PLS3: variants seen among roughly 807,000 people sequenced by gnomAD.
The protein encoded by PLS3 is plastin-3.
In PLS3, 11 loss-of-function variants were observed where a neutral mutation model predicts 46.5. The ratio of observed to expected loss-of-function variants is 0.24; its 90% CI spans 0.15 to 0.39. The LOEUF (loss-of-function observed/expected upper bound fraction) is 0.39. PLS3 is among the 10% of genes least tolerant of loss of function. The pLI is 1.00. For synonymous variants in PLS3, 167 were observed against 162.2 expected (o/e 1.03, Z -0.22); for missense variants, 308 against 461.8 (o/e 0.67, Z 3.05).
At chrX:115,600,456 G>A (rs148398413) in intron 1 of PLS3, among the ~76,000 whole-genome samples, 1,174 of 111,863 alleles carry the variant, frequency 0.01, 15 homozygotes, top group African/African-American at 0.036. Flanking sequence ...AACCATGCCT[G>A]TGTAACCAAC....
chrX:115,630,718 T>C (rs2074756812), intron 5 of PLS3, among the ~76,000 whole-genome samples: 1 of 97,844 alleles, frequency 1.0e-5, no homozygotes, highest in Admixed American at 1.3e-4. Flanking sequence ...TATATACATA[T>C]ATAAAATATA....
chrX:115,613,101 A>G (rs140154150), intron 2 of PLS3, among the ~76,000 whole-genome samples: 26 of 112,050 alleles, frequency 2.3e-4, no homozygotes, highest in African/African-American at 7.8e-4. Flanking sequence ...ATAAAGAAAA[A>G]TTCATGTAAT....
At chrX:115,572,315 CCT>C (rs1186442160) in intron 1 of PLS3, among the ~76,000 whole-genome samples, 1 of 110,151 alleles carries the variant, frequency 9.1e-6, no homozygotes, top group East Asian at 2.8e-4. Context: ...ATATCAAGAC[CCT>C]GTCTCTATTT....
chrX:115,632,742 AC>A (rs1299830597), intron 5 of PLS3, among the ~76,000 whole-genome samples: 9 of 100,616 alleles, frequency 8.9e-5, no homozygotes, highest in Non-Finnish European at 1.8e-4. Flanking sequence ...ATAAAGTTCC[AC>A]CCCCCACTTT....
At chrX:115,567,709 C>CTTTTTTTTTTTTTTTT (rs782653479) in intron 1 of PLS3, among the ~76,000 whole-genome samples, 4 of 81,944 alleles carry the variant, frequency 4.9e-5, no homozygotes, top group Non-Finnish European at 6.9e-5. Context: ...TTTTCTTCTT[C>CTTTTTTTTTTTTTTTT]TTTTTTTTTT....
intron 1 of PLS3, among the ~76,000 whole-genome samples, chrX:115,561,630 C>T (rs1159753659): frequency 2.7e-5 from 3 of 111,760 alleles, no homozygotes; most frequent in Non-Finnish European, 3.8e-5. Flanking sequence ...GGCTGCGGCC[C>T]CGAAGTGGAA....
chrX:115,642,881 T>A (rs1556641184), intron 9 of PLS3, among the ~76,000 whole-genome samples: 1 of 111,651 alleles, frequency 9.0e-6, no homozygotes, highest in Non-Finnish European at 1.9e-5. Flanking sequence ...TTTAACATAA[T>A]TCTACTGAAA....
intron 1 of PLS3, among the ~76,000 whole-genome samples, chrX:115,564,388 C>CTTCCACAAGTGGTTACACGCACA (rs1556629887): frequency 8.9e-6 from 1 of 112,244 alleles, no homozygotes; most frequent in Non-Finnish European, 1.9e-5. Flanking sequence ...GATTAAGCCT[C>CTTCCACAAGTGGTTACACGCACA]TTCCACAAGT....
Position 115,635,824 on chromosome X carries a change from T to C in PLS3, c.748+778T>C, listed in dbSNP as rs782570359. ...GGCTAACATGGCGGAACCCCGTCTC[T>C]ACAAACAATAGAAAAGTTACCTGGG... On this transcript the variant is annotated intron_variant, in intron 7 of 15. Coordinates refer to ENST00000355899, the MANE Select transcript of PLS3 (RefSeq NM_005032.7). Among the ~76,000 whole-genome samples the C allele has an allele frequency of 1.1e-4, 12 of 106,204 alleles. No homozygotes were observed. In the South Asian group the frequency reaches 4.8e-3, roughly 43 times the overall value. The allele number at this position is 106,204 out of a possible 115,157, so 92.2% of individuals were successfully genotyped here.
intron 5 of PLS3, among the ~76,000 whole-genome samples, chrX:115,630,866 C>T (rs1404240985): frequency 2.2e-5 from 2 of 89,509 alleles, no homozygotes; most frequent in African/African-American, 4.2e-5. Flanking sequence ...GTATATTATA[C>T]ATGTATATAT....
chrX:115,643,336 T>C lies in PLS3; in HGVS notation c.1011T>C (p.Ala337=), dbSNP rs782390682. Residue 337 remains alanine (A), a synonymous_variant, in exon 10 of 16, where the codon GCT becomes GCC. Transcript: ENST00000355899. Reference sequence around the variant, plus strand: ...AGGAAACAGATGATTTGAAGAGAGCTGAGAGTATGCTTCAACAAGCAGATA... The same window carrying C: ...AGGAAACAGATGATTTGAAGAGAGCCGAGAGTATGCTTCAACAAGCAGATA... ...GFNETDDLKR[A]ESMLQQADKL... The C allele has an allele frequency of 1.7e-6, 2 of 1,199,767 alleles. No individual in the cohort carries two copies. Among genetic ancestry groups the C allele is most frequent in the East Asian group, 3.0e-5 (1 of 33,745 alleles).
chrX:115,647,880 C>A lies in PLS3; in HGVS notation c.1636-13C>A. The A allele has an allele frequency of 8.3e-7, 1 of 1,200,397 alleles. No homozygotes were observed. The highest frequency in any genetic ancestry group is 1.1e-6 in the Non-Finnish European group (1 of 887,779). ...GTATCAAAATTCTCAGATTTGTTCT[C>A]CTTTCACACTAGGACAAGACGATCA... On this transcript the variant is annotated splice_polypyrimidine_tract_variant and intron_variant, in intron 14 of 15. Coordinates refer to ENST00000355899, the MANE Select transcript of PLS3 (RefSeq NM_005032.7).
chrX:115,614,583 T>C lies in PLS3; in HGVS notation c.73+4260T>C, dbSNP rs1380770533. The C allele has an allele frequency of 6.8e-6, 5 of 738,188 alleles. No homozygotes were observed. The African/African-American group carries it at 1.2e-4, about 17-fold the overall frequency. The allele number at this position is 738,188 out of a possible 1,213,427, so 60.8% of individuals were successfully genotyped here. On this transcript the variant is annotated intron_variant, in intron 2 of 15. Transcript: ENST00000355899. ...CCATGTTTAGCTAAGCATCTGGAGATGTTTAGCAGCTGCCTTTTCTAAGGA... is the reference window on the plus strand; with the variant it reads ...CCATGTTTAGCTAAGCATCTGGAGACGTTTAGCAGCTGCCTTTTCTAAGGA...
At chrX:115,647,451 T>G in intron 13 of PLS3, 99 bp from the exon 14 acceptor site, 1 of 870,590 alleles carries the variant, frequency 1.1e-6, no homozygotes, top group Non-Finnish European at 1.6e-6. Context: ...AGAAGAAAAA[T>G]TTAAGAAATA....
intron 2 of PLS3, among the ~76,000 whole-genome samples, chrX:115,613,881 A>T (rs184339996): frequency 0.031 from 3,524 of 112,151 alleles, 135 homozygotes; most frequent in African/African-American, 0.11. Flanking sequence ...GTAGTGGGAT[A>T]TATTTTAAAT....
chrX:115,621,116 C>T (rs976156373), intron 2 of PLS3, among the ~76,000 whole-genome samples: 22 of 109,651 alleles, frequency 2.0e-4, no homozygotes, highest in East Asian at 1.1e-3. Context: ...CAGGTTCAAG[C>T]GATTCTGCTG....
In PLS3 at chrX:115,588,968, C is replaced by T. The variant is rs190024087; in HGVS notation, c.-8-21275C>T. Among the ~76,000 whole-genome samples the T allele has an allele frequency of 6.7e-3, 746 of 111,303 alleles. 5 individuals carry two copies. Among genetic ancestry groups the T allele is most frequent in the African/African-American group, 0.023 (703 of 30,617 alleles). On this transcript the variant is annotated intron_variant, in intron 1 of 15. Coordinates refer to ENST00000355899, the MANE Select transcript of PLS3 (RefSeq NM_005032.7). ...CAAATAAAGAGCTAATAAATACTAT[C>T]AGGGAGACAGCCCTTGGAATATTGA...
intron 8 of PLS3, chrX:115,639,586 A>G: frequency 3.7e-6 from 1 of 273,858 alleles, no homozygotes; most frequent in South Asian, 3.5e-5. Context: ...CGTAGCTGGA[A>G]GGTGGTCTTC....
At chrX:115,622,665 C>T (rs1343001340) in intron 3 of PLS3, among the ~76,000 whole-genome samples, 10 of 111,095 alleles carry the variant, frequency 9.0e-5, no homozygotes, top group Admixed American at 5.8e-4. Context: ...TTATATAAGG[C>T]GAACAGTCTC....
Sources: gnomAD v4.1 joint callset for allele counts (sites outside exome capture counted in the v4.1 genomes callset) on GRCh38, gnomAD v4.1.1 for gene constraint, MANE v1.5 for transcripts, NCBI Gene and HGNC (gene_info 2026-07-23, HGNC 2026-07-21) for gene names.